Variants in PADI3 observed in about 807,000 individuals in gnomAD.
PADI3 encodes the protein protein-arginine deiminase type-3.
In PADI3, 53 loss-of-function variants were observed where a neutral mutation model predicts 71.5. The observed-to-expected ratio is 0.74, with a 90% CI of 0.59 to 0.93. PADI3 has a LOEUF of 0.93. Among genes scored for constraint, PADI3 ranks in the 40% least tolerant of loss-of-function variants. PADI3 has a pLI of 0.00. For synonymous variants in PADI3, 361 were observed against 347.5 expected (o/e 1.04, Z -0.43); for missense variants, 821 against 868.0 (o/e 0.95, Z 0.68).
intron 1 of PADI3, among the ~76,000 whole-genome samples, chr1:17,259,300 CG>C (rs1360641873): frequency 6.6e-6 from 1 of 152,140 alleles, no homozygotes; most frequent in Non-Finnish European, 1.5e-5. Context: ...TCAAGTGATC[CG>C]CCCGCCTCGG....
rs1448917763 is a variant in PADI3 at position 17,252,397 on chromosome 1, C to CTTT, written c.92+3170_92+3171insTTT. Among the ~76,000 whole-genome samples the CTTT allele has an allele frequency of 5.5e-4, 34 of 62,304 alleles. 1 individual carries two copies. Among genetic ancestry groups the CTTT allele is most frequent in the African/African-American group, 1.2e-3 (32 of 25,700 alleles). The allele number at this position is 62,304 out of a possible 152,430, so 40.9% of individuals were successfully genotyped here. ...AGGAAGAAAGCTGCTTTCTTTTCTT[C>CTTT]TTCTTTTTTTTTTTTTTTTGTTGAA... On this transcript the variant is annotated intron_variant, in intron 1 of 15. Coordinates refer to ENST00000375460, the MANE Select transcript of PADI3 (RefSeq NM_016233.2).
At chr1:17,271,267 G>A (rs2073247547) in intron 9 of PADI3, 89 bp downstream of exon 9, 1 of 1,094,376 alleles carries the variant, frequency 9.1e-7, no homozygotes, top group East Asian at 2.5e-5. Context: ...ACATCCAGGA[G>A]GACCTGGGTG....
rs766380475 is a variant in PADI3 at position 17,249,129 on chromosome 1, A to T, written c.-9A>T. 3 of 1,613,686 alleles carry T rather than the reference A, an allele frequency of 1.9e-6. No individual in the cohort carries two copies. The highest frequency in any genetic ancestry group is 2.5e-6 in the Non-Finnish European group (3 of 1,179,718). On this transcript the variant is annotated 5_prime_UTR_variant, in exon 1 of 16. Coordinates refer to ENST00000375460, the MANE Select transcript of PADI3 (RefSeq NM_016233.2). ...GGGGTTGGCGGCCACAGCTAAGTCCAACACCAGCATGTCGCTGCAGAGAAT... is the reference window on the plus strand; with the variant it reads ...GGGGTTGGCGGCCACAGCTAAGTCCTACACCAGCATGTCGCTGCAGAGAAT...
Position 17,276,563 on chromosome 1 carries a change from A to G in PADI3, c.1352A>G (p.His451Arg). The change falls in exon 12 of 16, where the codon CAT becomes CGT. Residue 451 changes from histidine (H) to arginine (R), a missense_variant. Transcript: ENST00000375460. Reference sequence around the variant, plus strand: ...ACCCAGGTGGTGCGGGACTTCCTCCATGCCCAGAAGGTGCAGCCCCCCGTG... The same window carrying G: ...ACCCAGGTGGTGCGGGACTTCCTCCGTGCCCAGAAGGTGCAGCCCCCCGTG... Reference protein sequence around the residue: ...RVTQVVRDFLHAQKVQPPVEL... With the variant: ...RVTQVVRDFLRAQKVQPPVEL... The G allele has an allele frequency of 6.2e-7, 1 of 1,614,172 alleles. No individual in the cohort carries two copies. Among genetic ancestry groups the G allele is most frequent in the Non-Finnish European group, 8.5e-7 (1 of 1,180,032 alleles).
At chr1:17,268,593 C>T (rs1449522352) in intron 6 of PADI3, among the ~76,000 whole-genome samples, 1 of 149,824 alleles carries the variant, frequency 6.7e-6, no homozygotes, top group African/African-American at 2.5e-5. Context: ...CTGCAACCTC[C>T]ACCTCCTGGG....
At position 17,271,268 on chromosome 1, in the gene PADI3, G is replaced by A. The variant is rs2073247582; in HGVS notation, c.1047+90G>A. 2.7e-6 allele frequency: 3 copies of A among 1,092,044 alleles called. No homozygotes were observed. In the Admixed American group the frequency reaches 7.1e-5, roughly 26 times the overall value. 67.6% of individuals were successfully genotyped at this position (1,092,044 alleles called of 1,614,324 possible). A position where few individuals can be genotyped will look rare whatever the true frequency, so the allele number is the denominator to read the frequency against. On this transcript the variant is annotated intron_variant, in intron 9 of 15. Transcript: ENST00000375460. The stretch of plus-strand genomic sequence containing the variant: ...GGGGCCACCGAGAAACATCCAGGAG[G>A]ACCTGGGTGCTCCCCAGGGAACTTG...
chr1:17,263,249 A>G lies in PADI3; in HGVS notation c.346+1044A>G, dbSNP rs532221341. ...TTTTTAATATAACTTTACAGAGCTG[A>G]TCCTAAAATTTGTATGGAAAAGCAA... On this transcript the variant is annotated intron_variant, in intron 3 of 15. Coordinates refer to ENST00000375460, the MANE Select transcript of PADI3 (RefSeq NM_016233.2). 7.9e-5 allele frequency among the ~76,000 whole-genome samples: 12 copies of G among 152,330 alleles called. No individual in the cohort carries two copies. In the South Asian group the frequency reaches 1.9e-3, roughly 24 times the overall value.
chr1:17,264,331 T>TACACACAC (rs60223695), intron 3 of PADI3, among the ~76,000 whole-genome samples: 8,882 of 148,120 alleles, frequency 0.06, 342 homozygotes, highest in Non-Finnish European at 0.089. Flanking sequence ...AAAGCATATG[T>TACACACAC]ACACACACAC....
intron 13 of PADI3, among the ~76,000 whole-genome samples, chr1:17,278,741 G>T (rs2073365473): frequency 1.3e-5 from 2 of 151,886 alleles, no homozygotes; most frequent in South Asian, 4.2e-4. Context: ...TGACACGCAG[G>T]ATCATAGATT....
intron 9 of PADI3, among the ~76,000 whole-genome samples, chr1:17,271,519 G>A: frequency 6.6e-6 from 1 of 152,254 alleles, no homozygotes; most frequent in Non-Finnish European, 1.5e-5. Flanking sequence ...TGCAGTATCT[G>A]CAGACAGTGC....
intron 1 of PADI3, among the ~76,000 whole-genome samples, chr1:17,256,171 G>C (rs751613418): frequency 1.5e-4 from 23 of 152,094 alleles, no homozygotes; most frequent in Non-Finnish European, 2.9e-4. Context: ...CCCGTTTCCT[G>C]CACCCTCATT....
Position 17,276,769 on chromosome 1 carries a change from C to A in PADI3, c.1453-5C>A, listed in dbSNP as rs11586393. 2 of 1,613,640 alleles carry A rather than the reference C, an allele frequency of 1.2e-6. No homozygotes were observed. ...GGCTCAGCTGAATCTGTTCTCTGCA[C>A]GCAGGGCTTCCGGATGCTCCTGGCC... On this transcript the variant is annotated splice_region_variant and splice_polypyrimidine_tract_variant and intron_variant, in intron 12 of 15. Coordinates refer to ENST00000375460, the MANE Select transcript of PADI3 (RefSeq NM_016233.2).
chr1:17,280,212 G>A, intron 13 of PADI3, 138 bp from the exon 14 acceptor site: 1 of 695,322 alleles, frequency 1.4e-6, no homozygotes, highest in Non-Finnish European at 2.6e-6. Flanking sequence ...ACCCACCCAA[G>A]GCCTGGGAAA....
At chr1:17,273,517 T>G (rs2073285492) in intron 10 of PADI3, 70 bp downstream of exon 10, 1 of 1,022,882 alleles carries the variant, frequency 9.8e-7, no homozygotes, top group Admixed American at 2.0e-5. Flanking sequence ...CACCGGGGTG[T>G]GGGGTACAGA....
intron 9 of PADI3, 91 bp downstream of exon 9, chr1:17,271,269 A>ACCCAGGTCCT: frequency 9.2e-7 from 1 of 1,081,880 alleles, no homozygotes; most frequent in African/African-American, 1.6e-5. Flanking sequence ...ATCCAGGAGG[A>ACCCAGGTCCT]CCTGGGTGCT....
chr1:17,249,350 A>G, intron 1 of PADI3, 121 bp downstream of exon 1: 1 of 789,168 alleles, frequency 1.3e-6, no homozygotes, highest in Admixed American at 1.9e-5. Flanking sequence ...TCGGAACAGC[A>G]GCCAATCAGG....
intron 5 of PADI3, among the ~76,000 whole-genome samples, chr1:17,267,572 G>T (rs1410566685): frequency 1.3e-5 from 2 of 152,174 alleles, no homozygotes; most frequent in African/African-American, 4.8e-5. Flanking sequence ...TACCCTCCTT[G>T]CTTCTCTGGA....
In PADI3 at chr1:17,282,886, A is replaced by G. The variant is rs764567692; in HGVS notation, c.1802A>G (p.Lys601Arg). 4 of 1,613,968 alleles carry G rather than the reference A, an allele frequency of 2.5e-6. No individual in the cohort carries two copies. In the East Asian group the frequency reaches 8.9e-5, roughly 36 times the overall value. Residue 601 changes from lysine to arginine, a missense_variant, in exon 16 of 16, where the codon AAG becomes AGG. Physicochemically the swap from Lys to Arg is conservative, Grantham distance 26. Coordinates refer to ENST00000375460, the MANE Select transcript of PADI3 (RefSeq NM_016233.2). ...CTGGGGAAGCACCTGGGCATCCCCA[A>G]GCCCTTTGGGCCCATCATCAATGGC... Reference protein sequence around the residue: ...LVLGKHLGIPKPFGPIINGCC... With the variant: ...LVLGKHLGIPRPFGPIINGCC...
At chr1:17,269,254 G>A (rs941150308) in intron 6 of PADI3, among the ~76,000 whole-genome samples, 24 of 152,276 alleles carry the variant, frequency 1.6e-4, no homozygotes, top group African/African-American at 5.1e-4. Flanking sequence ...GTTCTCCAGC[G>A]TGTGTCCATA....
Sources: gnomAD v4.1 joint callset for allele counts (sites outside exome capture counted in the v4.1 genomes callset) on GRCh38, gnomAD v4.1.1 for gene constraint, MANE v1.5 for transcripts, NCBI Gene and HGNC (gene_info 2026-07-23, HGNC 2026-07-21) for gene names.